MGLL: variants seen among roughly 807,000 people sequenced by gnomAD.
MGLL encodes the protein monoglyceride lipase.
A neutral mutation model predicts 29.1 loss-of-function variants in MGLL; 7 were observed. That is an observed-to-expected ratio of 0.24 (90% confidence interval 0.14 to 0.45). MGLL has a LOEUF of 0.45. MGLL is among the 20% of genes least tolerant of loss of function. The pLI is 0.99. For synonymous variants in MGLL, 148 were observed against 168.3 expected (o/e 0.88, Z 0.93); for missense variants, 356 against 413.6 (o/e 0.86, Z 1.21).
At chr3:127,776,646 C>A (rs947703988) in intron 3 of MGLL, among the ~76,000 whole-genome samples, 1 of 152,228 alleles carries the variant, frequency 6.6e-6, no homozygotes, top group Non-Finnish European at 1.5e-5. Context: ...TACGGGCTCT[C>A]CACCTGCTTG....
In MGLL at chr3:127,692,118, CA is replaced by C; in HGVS notation, c.*79del. 2.8e-6 allele frequency: 1 copy of C among 363,208 alleles called. No homozygotes were observed. The highest frequency in any genetic ancestry group is 3.9e-6 in the Non-Finnish European group (1 of 256,776). The allele number at this position is 363,208 out of a possible 1,614,324, so 22.5% of individuals were successfully genotyped here. A position where few individuals can be genotyped will look rare whatever the true frequency, so the allele number is the denominator to read the frequency against. ...GATTTTTTTTTTTTTTTTTTTTTGGCAAGCCATATCTGAGAAGCCATCTCTG... is the reference window on the plus strand; with the variant it reads ...GATTTTTTTTTTTTTTTTTTTTTGGCAGCCATATCTGAGAAGCCATCTCTG... On this transcript the variant is annotated 3_prime_UTR_variant, in exon 8 of 8. Coordinates refer to ENST00000265052, the MANE Select transcript of MGLL (RefSeq NM_007283.7).
chr3:127,724,719 G>T (rs1040651137), intron 3 of MGLL, among the ~76,000 whole-genome samples: 1 of 152,054 alleles, frequency 6.6e-6, no homozygotes, highest in South Asian at 2.1e-4. Flanking sequence ...GCACACAAAC[G>T]CTGAGCCAAG....
At chr3:127,817,721 C>T (rs1320012973) in intron 2 of MGLL, among the ~76,000 whole-genome samples, 2 of 152,234 alleles carry the variant, frequency 1.3e-5, no homozygotes, top group African/African-American at 4.8e-5. Context: ...AGACCGCACC[C>T]TTCCCTCACC....
At chr3:127,715,022 G>T (rs140527745) in intron 5 of MGLL, among the ~76,000 whole-genome samples, 5 of 152,322 alleles carry the variant, frequency 3.3e-5, no homozygotes, top group African/African-American at 4.8e-5. Flanking sequence ...TGGCTTCTGG[G>T]TCAGGATCTG....
chr3:127,697,669 A>G (rs531924501), intron 6 of MGLL, among the ~76,000 whole-genome samples: 1 of 152,346 alleles, frequency 6.6e-6, no homozygotes, highest in African/African-American at 2.4e-5. Flanking sequence ...GGCTGTGTGC[A>G]CATTCTGGGT....
intron 2 of MGLL, among the ~76,000 whole-genome samples, chr3:127,806,688 A>G (rs1049522648): frequency 1.3e-5 from 2 of 151,880 alleles, no homozygotes; most frequent in Admixed American, 1.3e-4. Flanking sequence ...TGAATGGGTG[A>G]GTTGGTGGAT....
At position 127,821,456 on chromosome 3, in the gene MGLL, A is replaced by T. The variant is rs540088726; in HGVS notation, c.155+238T>A. The stretch of plus-strand genomic sequence containing the variant: ...ATGTGGAATTTTTGAAAATTGCCAT[A>T]CGGTAGGATCCATATCTGAGTTGTT... On this transcript the variant is annotated intron_variant, in intron 2 of 7. Transcript: ENST00000265052. Among the ~76,000 whole-genome samples, 161 of 152,382 alleles carry T rather than the reference A, an allele frequency of 1.1e-3. 1 individual carries two copies. The highest frequency in any genetic ancestry group is 3.7e-3 in the African/African-American group (155 of 41,598).
intron 2 of MGLL, among the ~76,000 whole-genome samples, chr3:127,789,288 C>G (rs1451080013): frequency 6.6e-6 from 1 of 152,154 alleles, no homozygotes; most frequent in Non-Finnish European, 1.5e-5. Context: ...TTCAGGAGCC[C>G]TGGGCTAGGA....
intron 3 of MGLL, chr3:127,736,356 C>A (rs7621379): frequency 0.098 from 96,339 of 985,350 alleles, 5,024 homozygotes; most frequent in African/African-American, 0.18. Flanking sequence ...AAGTCAGGAT[C>A]CCAGAGCTTC....
chr3:127,808,035 C>T (rs1386998622), intron 2 of MGLL, among the ~76,000 whole-genome samples: 1 of 152,128 alleles, frequency 6.6e-6, no homozygotes, highest in Non-Finnish European at 1.5e-5. Context: ...GCTGAGATTA[C>T]AGGCGTGAGC....
intron 5 of MGLL, chr3:127,713,402 G>A (rs2075756915): frequency 6.6e-6 from 1 of 152,104 alleles, no homozygotes; most frequent in Non-Finnish European, 1.5e-5. Flanking sequence ...ACGGGATGGT[G>A]TGCAAGTGCC....
Position 127,761,153 on chromosome 3 carries a change from G to A in MGLL, c.262+20636C>T, listed in dbSNP as rs1472250658. Among the ~76,000 whole-genome samples the A allele has an allele frequency of 1.3e-5, 2 of 152,252 alleles. No homozygotes were observed. The highest frequency in any genetic ancestry group is 2.4e-5 in the African/African-American group (1 of 41,470). ...GCAAGGTGCCACACAGATGCGGAGA[G>A]CAGAGGCCCCAGTTGCTGTGTTCAG... On this transcript the variant is annotated intron_variant, in intron 3 of 7. Transcript: ENST00000265052. The surrounding 1 kb of genome is among the most constrained non-coding windows in gnomAD (Gnocchi z 4.6).
intron 5 of MGLL, among the ~76,000 whole-genome samples, chr3:127,716,641 A>C (rs770280628): frequency 2.0e-5 from 3 of 152,270 alleles, no homozygotes; most frequent in Non-Finnish European, 4.4e-5. Flanking sequence ...TTATTGATCC[A>C]GAAGGTTTTA....
At chr3:127,760,556 G>A (rs184799718) in intron 3 of MGLL, among the ~76,000 whole-genome samples, 3 of 152,354 alleles carry the variant, frequency 2.0e-5, no homozygotes, top group African/African-American at 4.8e-5. Flanking sequence ...GAGGTGAGGA[G>A]CTGGCACGGC....
chr3:127,694,459 T>A (rs1204797546), intron 7 of MGLL, among the ~76,000 whole-genome samples: 1 of 151,920 alleles, frequency 6.6e-6, no homozygotes, highest in Non-Finnish European at 1.5e-5. Context: ...ATATTCCACA[T>A]AACCAAGCCG....
At chr3:127,772,538 G>A (rs968342999) in intron 3 of MGLL, among the ~76,000 whole-genome samples, 3 of 152,200 alleles carry the variant, frequency 2.0e-5, no homozygotes, top group African/African-American at 7.2e-5. Context: ...TTCCCACAGT[G>A]CTCTTGAGGG....
In MGLL at chr3:127,822,428, C is replaced by G. The variant is rs906243257; in HGVS notation, c.-110G>C. ...CCCCAAGGCAGCAGGAAGGCAGCTC[C>G]GAGCCCTCTTCCCGCACCCAGACCC... On this transcript the variant is annotated 5_prime_UTR_variant, in exon 1 of 8. Transcript: ENST00000265052. 4 of 1,173,724 alleles carry G rather than the reference C, an allele frequency of 3.4e-6. No homozygotes were observed. Among genetic ancestry groups the G allele is most frequent in the Non-Finnish European group, 5.1e-6 (4 of 788,838 alleles). 72.7% of individuals were successfully genotyped at this position (1,173,724 alleles called of 1,614,324 possible). A position where few individuals can be genotyped will look rare whatever the true frequency, so the allele number is the denominator to read the frequency against.
intron 3 of MGLL, among the ~76,000 whole-genome samples, chr3:127,732,848 G>A (rs748287722): frequency 1.1e-4 from 16 of 152,214 alleles, no homozygotes; most frequent in Non-Finnish European, 1.9e-4. Context: ...TGAGGCCACC[G>A]AGTGCACTGA....
intron 6 of MGLL, among the ~76,000 whole-genome samples, chr3:127,696,839 G>C (rs2075377639): frequency 6.6e-6 from 1 of 152,160 alleles, no homozygotes; most frequent in Non-Finnish European, 1.5e-5. Flanking sequence ...GGAACATGCT[G>C]CCAGCTGCTC....
Sources: gnomAD v4.1 joint callset for allele counts (sites outside exome capture counted in the v4.1 genomes callset) on GRCh38, gnomAD v4.1.1 for gene constraint, Gnocchi (gnomAD v3.1) non-coding constraint, MANE v1.5 for transcripts, NCBI Gene and HGNC (gene_info 2026-07-23, HGNC 2026-07-21) for gene names.